AOPEP: variants seen among roughly 807,000 people sequenced by gnomAD.
AOPEP encodes aminopeptidase O (putative).
A neutral mutation model predicts 98.1 loss-of-function variants in AOPEP; 77 were observed. That is an observed-to-expected ratio of 0.78 (90% CI 0.65 to 0.95). AOPEP has a LOEUF of 0.95. AOPEP is among the 40% of genes least tolerant of loss of function. The pLI, the probability that AOPEP is intolerant of heterozygous loss-of-function variation, is 0.00. For synonymous variants in AOPEP, 346 were observed against 365.3 expected (o/e 0.95, Z 0.60); for missense variants, 1,024 against 1,024.7 (o/e 1.00, Z 0.01).
intron 4 of AOPEP, among the ~76,000 whole-genome samples, chr9:94,799,621 T>C (rs1345745316): frequency 6.6e-6 from 1 of 151,998 alleles, no homozygotes; most frequent in Non-Finnish European, 1.5e-5. Flanking sequence ...CTAGCTGTTT[T>C]GGAGGCTGAG....
At chr9:95,130,235 G>A in the AOPEP span, among the ~76,000 whole-genome samples, 1,489 of 152,044 alleles carry the variant, frequency 9.8e-3, 16 homozygotes, top group Non-Finnish European at 0.013. Context: ...AGAACAAGAA[G>A]AACAGAATTC....
chr9:94,984,566 A>T (rs188933284), intron 11 of AOPEP, among the ~76,000 whole-genome samples: 3 of 152,216 alleles, frequency 2.0e-5, no homozygotes, highest in Admixed American at 2.0e-4. Flanking sequence ...TATTTCATCA[A>T]TGTTTTTAAA....
downstream of AOPEP, among the ~76,000 whole-genome samples, chr9:95,087,615 A>G (rs2070800286): frequency 6.6e-6 from 1 of 151,924 alleles, no homozygotes; most frequent in South Asian, 2.1e-4. Flanking sequence ...AAGCCTGAAA[A>G]CAAAAGTAAT....
chr9:95,069,141 T>C (rs1021908080), intron 14 of AOPEP, among the ~76,000 whole-genome samples: 2 of 152,210 alleles, frequency 1.3e-5, no homozygotes, highest in Admixed American at 6.5e-5. Context: ...TAGTCACCAT[T>C]TTATCCTCAA....
intron 13 of AOPEP, among the ~76,000 whole-genome samples, chr9:95,007,516 T>C (rs1472684128): frequency 6.6e-6 from 1 of 152,028 alleles, no homozygotes; most frequent in Non-Finnish European, 1.5e-5. Flanking sequence ...TCTTGGAAAA[T>C]GTGGGCAGCA....
chr9:95,123,787 T>A, the AOPEP span: 1 of 699,030 alleles, frequency 1.4e-6, no homozygotes, highest in Non-Finnish European at 2.7e-6. Flanking sequence ...ATCGATCTTG[T>A]GAAGCCCACA....
intron 5 of AOPEP, among the ~76,000 whole-genome samples, chr9:94,860,942 A>G (rs1025035529): frequency 3.3e-5 from 5 of 152,196 alleles, no homozygotes; most frequent in African/African-American, 1.2e-4. Context: ...TGTTAGATAA[A>G]TAAACCTCTT....
intron 10 of AOPEP, among the ~76,000 whole-genome samples, chr9:94,968,373 C>G (rs926758785): frequency 6.6e-6 from 1 of 152,082 alleles, no homozygotes; most frequent in Non-Finnish European, 1.5e-5. Context: ...CTCAGCCTCC[C>G]AAGTAGCTGG....
rs150513566 is a variant in AOPEP, at chr9:94,986,079, C to T, written c.1977+6652C>T. Reference sequence around the variant, plus strand: ...AGTACCACAGACTGGGTGGCTTAAACAACAGAGATTTTTTTCCTCACAGTT... The same window carrying T: ...AGTACCACAGACTGGGTGGCTTAAATAACAGAGATTTTTTTCCTCACAGTT... On this transcript the variant is annotated intron_variant, in intron 11 of 16. Transcript: ENST00000375315. Among the ~76,000 whole-genome samples, 249 of 152,298 alleles carry T rather than the reference C, an allele frequency of 1.6e-3. 1 individual carries two copies. Among genetic ancestry groups the T allele is most frequent in the African/African-American group, 5.4e-3 (224 of 41,564 alleles).
chr9:95,107,068 G>C, the AOPEP span: 1 of 1,614,182 alleles, frequency 6.2e-7, no homozygotes. Context: ...AGACTTACCA[G>C]GGTGATGACA....
chr9:94,947,315 G>T (rs1346259920), intron 7 of AOPEP, among the ~76,000 whole-genome samples: 1 of 152,016 alleles, frequency 6.6e-6, no homozygotes, highest in Non-Finnish European at 1.5e-5. Context: ...GTCTTTCTCT[G>T]TCGCCCAGGC....
At chr9:94,891,024 G>A (rs557150388) in intron 5 of AOPEP, among the ~76,000 whole-genome samples, 2 of 152,336 alleles carry the variant, frequency 1.3e-5, no homozygotes, top group Non-Finnish European at 2.9e-5. Context: ...TCTATGAATT[G>A]CTGAAAGCAG....
intron 5 of AOPEP, among the ~76,000 whole-genome samples, chr9:94,902,743 T>G (rs752914319): frequency 1.3e-5 from 2 of 152,050 alleles, no homozygotes; most frequent in Admixed American, 6.5e-5. Flanking sequence ...GAAAGAAAAT[T>G]TAAAGCTCTT....
In AOPEP at chr9:94,887,770, G is replaced by C. The variant is rs116429032; in HGVS notation, c.1365-36216G>C. Among the ~76,000 whole-genome samples the C allele has an allele frequency of 3.0e-3, 451 of 152,290 alleles. 2 individuals carry two copies. Among genetic ancestry groups the C allele is most frequent in the African/African-American group, 9.7e-3 (403 of 41,564 alleles). The stretch of plus-strand genomic sequence containing the variant: ...GACAGGACAGATAGACCTGTGCACA[G>C]AGTGGTGTCAACATATCTGAAGTAA... On this transcript the variant is annotated intron_variant, in intron 5 of 16. Transcript: ENST00000375315.
At chr9:94,879,531 T>G (rs2047335363) in intron 5 of AOPEP, among the ~76,000 whole-genome samples, 1 of 152,226 alleles carries the variant, frequency 6.6e-6, no homozygotes, top group South Asian at 2.1e-4. Context: ...TTTCCCTATC[T>G]ATAGCTGGAG....
intron 13 of AOPEP, among the ~76,000 whole-genome samples, chr9:95,045,846 T>C (rs2065817046): frequency 6.6e-6 from 1 of 152,132 alleles, no homozygotes; most frequent in Non-Finnish European, 1.5e-5. Context: ...GCAGTACCAG[T>C]AGATTTCAGG....
chr9:94,842,044 CCTTGT>C (rs1309806190), intron 5 of AOPEP, among the ~76,000 whole-genome samples: 1 of 151,968 alleles, frequency 6.6e-6, no homozygotes, highest in Non-Finnish European at 1.5e-5. Context: ...CAGAGCAAGA[CCTTGT>C]CTCTAAAAAA....
intron 3 of AOPEP, among the ~76,000 whole-genome samples, chr9:94,781,658 T>G (rs1205917487): frequency 2.0e-5 from 3 of 151,330 alleles, no homozygotes; most frequent in African/African-American, 7.3e-5. Flanking sequence ...CCTCCCAGGT[T>G]TACGCCATTC....
chr9:95,054,582 A>G (rs1025396372), intron 13 of AOPEP, among the ~76,000 whole-genome samples: 2 of 152,236 alleles, frequency 1.3e-5, no homozygotes, highest in African/African-American at 4.8e-5. Context: ...AAATTATTTC[A>G]GATAGTATTT....
Sources: gnomAD v4.1 joint callset for allele counts (sites outside exome capture counted in the v4.1 genomes callset) on GRCh38, gnomAD v4.1.1 for gene constraint, MANE v1.5 for transcripts, NCBI Gene and HGNC (gene_info 2026-07-23, HGNC 2026-07-21) for gene names.